Variants in SV2B observed in about 807,000 individuals in gnomAD.
SV2B encodes the protein solute carrier family 22 member B2.
A neutral mutation model predicts 73.9 loss-of-function variants in SV2B; 41 were observed. That is an observed-to-expected ratio of 0.56 (90% CI 0.43 to 0.72). The LOEUF (loss-of-function observed/expected upper bound fraction) is 0.72, where lower values mean the gene tolerates loss of function less well. Among genes scored for constraint, SV2B ranks in the 30% least tolerant of loss-of-function variants. The probability of loss-of-function intolerance (pLI) is 0.00; values close to 1 mark genes in which losing one functional copy is unlikely to be tolerated. For missense variants in SV2B, 764 were observed against 857.8 expected, an observed-to-expected ratio of 0.89 and a Z score of 1.37; for synonymous variants, 314 against 314.2, an observed-to-expected ratio of 1.00 and a Z score of 0.01.
At chr15:91,171,608 C>T (rs999166702) in intron 1 of SV2B, among the ~76,000 whole-genome samples, 8 of 152,116 alleles carry the variant, frequency 5.3e-5, no homozygotes, top group African/African-American at 1.2e-4. Context: ...TCTCAGAGAC[C>T]GTGCCTACAG....
At chr15:91,191,940 A>T (rs2045050885) in intron 1 of SV2B, among the ~76,000 whole-genome samples, 1 of 152,042 alleles carries the variant, frequency 6.6e-6, no homozygotes, top group Non-Finnish European at 1.5e-5. Context: ...GGATACGTTA[A>T]ATTTTATTTT....
chr15:91,119,455 G>C (rs1184029848), intron 1 of SV2B, among the ~76,000 whole-genome samples: 1 of 152,196 alleles, frequency 6.6e-6, no homozygotes, highest in Admixed American at 6.5e-5. Flanking sequence ...AATACCCAGA[G>C]TGCGACTCGT....
intron 1 of SV2B, among the ~76,000 whole-genome samples, chr15:91,175,730 ACTAT>A (rs1318101307): frequency 5.3e-5 from 8 of 151,488 alleles, no homozygotes; most frequent in Non-Finnish European, 7.4e-5. Context: ...CATATATGTG[ACTAT>A]CTATTATAGA....
chr15:91,244,259 T>C (rs1233916907), intron 2 of SV2B, among the ~76,000 whole-genome samples: 1 of 152,246 alleles, frequency 6.6e-6, no homozygotes, highest in East Asian at 1.9e-4. Context: ...GTCTTACATA[T>C]GGCAGGAGAT....
At chr15:91,238,503 T>G (rs1380311151) in intron 2 of SV2B, among the ~76,000 whole-genome samples, 1 of 152,244 alleles carries the variant, frequency 6.6e-6, no homozygotes, top group East Asian at 1.9e-4. Flanking sequence ...CTTTTCCAGG[T>G]GCGCATTACA....
chr15:91,177,376 C>CT (rs2044356311), intron 1 of SV2B, among the ~76,000 whole-genome samples: 1 of 150,472 alleles, frequency 6.6e-6, no homozygotes, highest in Non-Finnish European at 1.5e-5. Flanking sequence ...GCGATGTGGG[C>CT]TCTTTTTTGG....
At chr15:91,180,032 G>A (rs9672422) in intron 1 of SV2B, among the ~76,000 whole-genome samples, 60,454 of 150,570 alleles carry the variant, frequency 0.4, 12,616 homozygotes, top group East Asian at 0.75. Flanking sequence ...GGCTGGTACC[G>A]GTTGTTCCTT....
At chr15:91,169,223 A>G (rs575896440) in intron 1 of SV2B, among the ~76,000 whole-genome samples, 1 of 152,258 alleles carries the variant, frequency 6.6e-6, no homozygotes, top group East Asian at 1.9e-4. Context: ...TTTTAGATAC[A>G]TTATATCTCT....
At chr15:91,117,290 C>A (rs75228189) in intron 1 of SV2B, among the ~76,000 whole-genome samples, 1 of 152,258 alleles carries the variant, frequency 6.6e-6, no homozygotes, top group African/African-American at 2.4e-5. Flanking sequence ...ATAATATTAA[C>A]GAGAATTCTA....
intron 1 of SV2B, among the ~76,000 whole-genome samples, chr15:91,176,934 GC>G: frequency 6.6e-6 from 1 of 152,240 alleles, no homozygotes; most frequent in East Asian, 1.9e-4. Context: ...TGTTGCCATT[GC>G]TTTTGGCATT....
In SV2B at chr15:91,122,376, T is replaced by C. The variant is rs906609877; in HGVS notation, c.-392+22013T>C. On this transcript the variant is annotated intron_variant, in intron 1 of 12. Transcript: ENST00000394232. This position sits in a 1 kb window ranked among gnomAD's most constrained non-coding sequence, Gnocchi z 4.3. Reference sequence around the variant, plus strand: ...AGACATCCTCCCTGGGGAAACAGTCTAGAAAGCAGGAATGGCTGGGGTTGA... The same window carrying C: ...AGACATCCTCCCTGGGGAAACAGTCCAGAAAGCAGGAATGGCTGGGGTTGA... 2.6e-5 allele frequency among the ~76,000 whole-genome samples: 4 copies of C among 152,220 alleles called. No individual in the cohort carries two copies. Among genetic ancestry groups the C allele is most frequent in the African/African-American group, 9.6e-5 (4 of 41,460 alleles).
At chr15:91,195,462 A>C (rs2045211391) in intron 1 of SV2B, among the ~76,000 whole-genome samples, 1 of 152,222 alleles carries the variant, frequency 6.6e-6, no homozygotes, top group African/African-American at 2.4e-5. Context: ...GCCTAGCTAC[A>C]TAAATTATTT....
chr15:91,158,229 A>G (rs745491146), intron 1 of SV2B, among the ~76,000 whole-genome samples: 99 of 152,088 alleles, frequency 6.5e-4, no homozygotes, highest in Admixed American at 2.2e-3. Flanking sequence ...TGTTGTCTCA[A>G]TAATAAGTTC....
intron 1 of SV2B, among the ~76,000 whole-genome samples, chr15:91,181,506 A>T (rs1348626777): frequency 2.0e-5 from 3 of 151,786 alleles, no homozygotes; most frequent in African/African-American, 7.3e-5. Flanking sequence ...ATTAATTTGC[A>T]AACACCCCCA....
At chr15:91,271,203 C>T (rs769943770) in intron 9 of SV2B, among the ~76,000 whole-genome samples, 2 of 133,284 alleles carry the variant, frequency 1.5e-5, no homozygotes, top group Middle Eastern at 3.9e-3. Context: ...CCCTGAGGAA[C>T]ATTATGGATG....
chr15:91,226,869 A>C (rs2046401659), intron 2 of SV2B, among the ~76,000 whole-genome samples, 155 bp downstream of exon 2: 1 of 152,168 alleles, frequency 6.6e-6, no homozygotes, highest in South Asian at 2.1e-4. Flanking sequence ...GATTGACTTA[A>C]GTTTGCACAG....
rs150223461 is a variant in SV2B, at chr15:91,220,185, C to T, written c.-391-5688C>T. 7.2e-5 allele frequency among the ~76,000 whole-genome samples: 11 copies of T among 152,270 alleles called. No homozygotes were observed. Among genetic ancestry groups the T allele is most frequent in the South Asian group, 4.1e-4 (2 of 4,824 alleles). On this transcript the variant is annotated intron_variant, in intron 1 of 12. Transcript: ENST00000394232. The surrounding 1 kb of genome is among the most constrained non-coding windows in gnomAD (Gnocchi z 4.1). ...TATGTTTGACATTTTAAGAAACTGA[C>T]GAACTAGCTTCCAAAGGCTATTTTA...
At chr15:91,211,311 C>T (rs1195466510) in intron 1 of SV2B, among the ~76,000 whole-genome samples, 1 of 152,168 alleles carries the variant, frequency 6.6e-6, no homozygotes, top group Non-Finnish European at 1.5e-5. Flanking sequence ...AGTTTGTCAA[C>T]CTCATGAGAA....
intron 1 of SV2B, among the ~76,000 whole-genome samples, chr15:91,202,248 C>T (rs553371833): frequency 2.6e-5 from 4 of 152,196 alleles, no homozygotes; most frequent in Non-Finnish European, 5.9e-5. Context: ...TGCCCTCTCT[C>T]CACTAGAAGG....
Sources: gnomAD v4.1 joint callset for allele counts (sites outside exome capture counted in the v4.1 genomes callset) on GRCh38, gnomAD v4.1.1 for gene constraint, Gnocchi (gnomAD v3.1) non-coding constraint, MANE v1.5 for transcripts, NCBI Gene and HGNC (gene_info 2026-07-23, HGNC 2026-07-21) for gene names.